The following USP25 variants were observed in gnomAD, a reference collection of about 807,000 sequenced individuals.
USP25 encodes ubiquitin carboxyl-terminal hydrolase 25.
A neutral mutation model predicts 158.5 loss-of-function variants in USP25; 85 were observed. The observed-to-expected ratio is 0.54, with a 90% CI of 0.45 to 0.64. The LOEUF (loss-of-function observed/expected upper bound fraction) is 0.64. Ranked by LOEUF, USP25 falls within the 30% of genes least tolerant of loss-of-function variation. The pLI is 0.00. For synonymous variants in USP25, 464 were observed against 460.4 expected (o/e 1.01, Z -0.10); for missense variants, 1,242 against 1,327.3 (o/e 0.94, Z 1.00).
chr21:15,864,259 A>AT lies in USP25; in HGVS notation c.2548-5dup. On this transcript the variant is annotated splice_polypyrimidine_tract_variant and intron_variant, in intron 20 of 25. Transcript: ENST00000400183. ...TAACCAAAATTATCATTTTCATTGC[A>AT]TTTTCCAGGCAATTAAGTTGGAATA... The AT allele has an allele frequency of 6.3e-7, 1 of 1,590,502 alleles. No homozygotes were observed. The highest frequency in any genetic ancestry group is 8.5e-7 in the Non-Finnish European group (1 of 1,173,748).
chr21:15,855,196 A>T (rs529633758), intron 20 of USP25, among the ~76,000 whole-genome samples: 16 of 152,192 alleles, frequency 1.1e-4, no homozygotes, highest in Non-Finnish European at 2.2e-4. Context: ...GTATCAAAGT[A>T]CCCTTAGGGT....
chr21:15,764,755 A>G (rs141328331), intron 2 of USP25, among the ~76,000 whole-genome samples: 2 of 152,124 alleles, frequency 1.3e-5, no homozygotes, highest in African/African-American at 4.8e-5. Flanking sequence ...ACAATAGTGT[A>G]TCTTACATTT....
intron 4 of USP25, among the ~76,000 whole-genome samples, chr21:15,781,919 G>A (rs1442982751): frequency 2.0e-5 from 3 of 152,140 alleles, no homozygotes; most frequent in Non-Finnish European, 4.4e-5. Context: ...AAGCAGCTAA[G>A]GGATGACACA....
chr21:15,868,137 A>T (rs1008434361), intron 22 of USP25, among the ~76,000 whole-genome samples: 9 of 152,300 alleles, frequency 5.9e-5, no homozygotes, highest in Middle Eastern at 3.4e-3. Context: ...TCTTTATTCC[A>T]TATGCAAAAA....
intron 1 of USP25, among the ~76,000 whole-genome samples, chr21:15,744,512 C>G (rs1245861871): frequency 6.6e-6 from 1 of 151,924 alleles, no homozygotes; most frequent in Non-Finnish European, 1.5e-5. Context: ...CGGGGTTTTG[C>G]CATGTTGGCC....
chr21:15,732,443 T>A (rs755370132), intron 1 of USP25, among the ~76,000 whole-genome samples: 1 of 152,178 alleles, frequency 6.6e-6, no homozygotes, highest in Non-Finnish European at 1.5e-5. Context: ...CAGATTTAAA[T>A]CCGTCAAGCT....
intron 1 of USP25, among the ~76,000 whole-genome samples, chr21:15,747,314 C>T (rs1477535401): frequency 6.6e-6 from 1 of 151,912 alleles, no homozygotes; most frequent in Admixed American, 6.6e-5. Flanking sequence ...AAAGAGACTA[C>T]ATTCACATAA....
intron 20 of USP25, among the ~76,000 whole-genome samples, chr21:15,861,058 T>C (rs1257332185): frequency 6.6e-6 from 1 of 151,700 alleles, no homozygotes; most frequent in East Asian, 1.9e-4. Context: ...ACAGTATTAC[T>C]TAGAAAAGTA....
chr21:15,754,495 T>A (rs1434660699), intron 1 of USP25, among the ~76,000 whole-genome samples: 1 of 152,204 alleles, frequency 6.6e-6, no homozygotes, highest in Non-Finnish European at 1.5e-5. Flanking sequence ...GTTTAAGAGT[T>A]CTTGTCGTCT....
At chr21:15,733,482 A>G (rs972545605) in intron 1 of USP25, among the ~76,000 whole-genome samples, 3 of 152,110 alleles carry the variant, frequency 2.0e-5, no homozygotes, top group Non-Finnish European at 2.9e-5. Flanking sequence ...CTTTAATCCC[A>G]GCACTTTGGG....
chr21:15,854,118 TA>T (rs1169369720), intron 20 of USP25, among the ~76,000 whole-genome samples: 2 of 151,988 alleles, frequency 1.3e-5, no homozygotes, highest in African/African-American at 2.4e-5. Context: ...TAGTGTATTA[TA>T]AATTGAGGGA....
chr21:15,814,239 G>T (rs1273074645), intron 9 of USP25, among the ~76,000 whole-genome samples: 1 of 150,998 alleles, frequency 6.6e-6, no homozygotes, highest in Non-Finnish European at 1.5e-5. Flanking sequence ...ATGATTCTGA[G>T]GCCTCCCCAG....
chr21:15,733,082 C>T (rs1266326758), intron 1 of USP25, among the ~76,000 whole-genome samples: 1 of 127,790 alleles, frequency 7.8e-6, no homozygotes, highest in Non-Finnish European at 1.6e-5. Flanking sequence ...CCTTAGATCT[C>T]AGAAATTTGA....
chr21:15,792,657 AATTGTTTTT>A (rs2035653680), intron 5 of USP25, among the ~76,000 whole-genome samples: 1 of 151,630 alleles, frequency 6.6e-6, no homozygotes, highest in Non-Finnish European at 1.5e-5. Context: ...TCTACAAGTT[AATTGTTTTT>A]GCTAACTTGT....
intron 20 of USP25, among the ~76,000 whole-genome samples, chr21:15,852,243 T>C (rs2038922801): frequency 6.6e-6 from 1 of 152,132 alleles, no homozygotes; most frequent in African/African-American, 2.4e-5. Context: ...ACTATCATCA[T>C]ACTCCCTTTC....
chr21:15,864,506 T>A, intron 21 of USP25, 60 bp downstream of exon 21: 1 of 1,421,530 alleles, frequency 7.0e-7, no homozygotes. Context: ...TCCTGCAGAT[T>A]CCCAGGATAA....
chr21:15,846,397 A>G (rs2038619060), intron 18 of USP25, among the ~76,000 whole-genome samples: 1 of 151,394 alleles, frequency 6.6e-6, no homozygotes. Context: ...ACTGACCTCA[A>G]GTGATACGCC....
At chr21:15,866,177 T>G in intron 21 of USP25, 89 bp from the exon 22 acceptor site, 1 of 752,636 alleles carries the variant, frequency 1.3e-6, no homozygotes, top group Non-Finnish European at 1.8e-6. Context: ...TGCTCAGTGT[T>G]TATGGATTTT....
intron 21 of USP25, 70 bp downstream of exon 21, chr21:15,864,516 AT>A: frequency 1.4e-6 from 2 of 1,379,554 alleles, no homozygotes; most frequent in Non-Finnish European, 9.7e-7. Flanking sequence ...TCCCAGGATA[AT>A]TTTTTGAGTA....
Sources: allele counts gnomAD v4.1 joint callset (sites outside exome capture counted in the v4.1 genomes callset), GRCh38; gene constraint gnomAD v4.1.1; transcripts MANE v1.5; gene names NCBI Gene and HGNC (gene_info 2026-07-23, HGNC 2026-07-21).